Variants in GPN2 observed in about 807,000 individuals in gnomAD.
GPN2 encodes the protein ATP-binding domain 1 family member B.
In GPN2, 27 loss-of-function variants were observed where a neutral mutation model predicts 30.1. That is an observed-to-expected ratio of 0.90 (90% CI 0.66 to 1.24). GPN2 has a LOEUF of 1.24. Ranked by LOEUF, GPN2 falls within the 50% of genes most tolerant of loss-of-function variation. GPN2 has a pLI of 0.00. For missense variants in GPN2, 406 were observed against 405.4 expected, an observed-to-expected ratio of 1.00 and a Z score of -0.01; for synonymous variants, 212 against 174.4, an observed-to-expected ratio of 1.22 and a Z score of -1.70.
rs918006301 is a variant in GPN2 at position 26,890,132 on chromosome 1, G to T, written c.-36C>A. On this transcript the variant is annotated 5_prime_UTR_variant, in exon 1 of 5. Transcript: ENST00000374135. ...CGGCCCGGAGCAGGTCAACTCACAGGGAAAACGGGGCAGGTAGCCGCGCCG... is the reference window on the plus strand; with the variant it reads ...CGGCCCGGAGCAGGTCAACTCACAGTGAAAACGGGGCAGGTAGCCGCGCCG... 7 of 1,466,886 alleles carry T rather than the reference G, an allele frequency of 4.8e-6. No individual in the cohort carries two copies. The highest frequency in any genetic ancestry group is 5.4e-6 in the Non-Finnish European group (6 of 1,113,914). 90.9% of individuals were successfully genotyped at this position (1,466,886 alleles called of 1,614,324 possible). A position where few individuals can be genotyped will look rare whatever the true frequency, so the allele number is the denominator to read the frequency against.
At position 26,876,143 on chromosome 1, in the gene GPN2, A is replaced by G. The variant is rs1462634431; in HGVS notation, c.*3534T>C. On this transcript the variant is annotated 3_prime_UTR_variant, in exon 5 of 5. Coordinates refer to ENST00000374135, the MANE Select transcript of GPN2 (RefSeq NM_018066.4). ...GAATACACAAAATATACATTTGAAT[A>G]TAGAATTTATTTTTCTCTTAAACAG... 2.0e-5 allele frequency: 3 copies of G among 152,156 alleles called. No individual in the cohort carries two copies. Among genetic ancestry groups the G allele is most frequent in the South Asian group, 4.1e-4 (2 of 4,832 alleles). The allele number at this position is 152,156 out of a possible 1,614,324, so 9.4% of individuals were successfully genotyped here. A position where few individuals can be genotyped will look rare whatever the true frequency, so the allele number is the denominator to read the frequency against.
At chr1:26,882,256 T>C (rs1557655108) in intron 4 of GPN2, among the ~76,000 whole-genome samples, 1 of 148,738 alleles carries the variant, frequency 6.7e-6, no homozygotes, top group Non-Finnish European at 1.5e-5. Context: ...TGGTGGAGCA[T>C]GCCTGTAATC....
Position 26,876,481 on chromosome 1 carries a change from G to C in GPN2, c.*3196C>G, listed in dbSNP as rs2081838409. ...GATCAGCCCGCCTTGGCCTCCCAAA[G>C]TGCTGGGATTACAGGCGTGAGCCAC... On this transcript the variant is annotated 3_prime_UTR_variant, in exon 5 of 5. Coordinates refer to ENST00000374135, the MANE Select transcript of GPN2 (RefSeq NM_018066.4). 1 of 152,222 alleles carries C rather than the reference G, an allele frequency of 6.6e-6. No homozygotes were observed. The highest frequency in any genetic ancestry group is 1.5e-5 in the Non-Finnish European group (1 of 68,046). 9.4% of individuals were successfully genotyped at this position (152,222 alleles called of 1,614,324 possible).
rs2081841725 is a variant in GPN2 at position 26,877,260 on chromosome 1, T to TGGGA, written c.*2413_*2416dup. 1 of 152,214 alleles carries TGGGA rather than the reference T, an allele frequency of 6.6e-6. No homozygotes were observed. The highest frequency in any genetic ancestry group is 1.5e-5 in the Non-Finnish European group (1 of 68,066). 9.4% of individuals were successfully genotyped at this position (152,214 alleles called of 1,614,324 possible). ...TTATTATCCCCTTTACAGCCAGGCGTGGGAGCTGAGGTTGCTTTCATACTG... is the reference window on the plus strand; with the variant it reads ...TTATTATCCCCTTTACAGCCAGGCGTGGGAGGGAGCTGAGGTTGCTTTCATACTG... On this transcript the variant is annotated 3_prime_UTR_variant, in exon 5 of 5. Coordinates refer to ENST00000374135, the MANE Select transcript of GPN2 (RefSeq NM_018066.4).
At chr1:26,879,874 G>A in intron 4 of GPN2, 125 bp from the exon 5 acceptor site, 1 of 694,884 alleles carries the variant, frequency 1.4e-6, no homozygotes, top group Non-Finnish European at 2.6e-6. Flanking sequence ...CATAATTATA[G>A]GGACCAATCA....
rs2081842151 is a variant in GPN2 at position 26,877,350 on chromosome 1, C to G, written c.*2327G>C. 6.6e-6 allele frequency: 1 copy of G among 152,246 alleles called. No homozygotes were observed. Among genetic ancestry groups the G allele is most frequent in the African/African-American group, 2.4e-5 (1 of 41,456 alleles). The allele number at this position is 152,246 out of a possible 1,614,324, so 9.4% of individuals were successfully genotyped here. ...TGCCTTTGGCTCTGGCTGCCACAACCAGAAAGCAAAGCAGTCAGTCCTATT... is the reference window on the plus strand; with the variant it reads ...TGCCTTTGGCTCTGGCTGCCACAACGAGAAAGCAAAGCAGTCAGTCCTATT... On this transcript the variant is annotated 3_prime_UTR_variant, in exon 5 of 5. Transcript: ENST00000374135.
chr1:26,889,805 T>G lies in GPN2; in HGVS notation c.292A>C (p.Lys98Gln). The change falls in exon 1 of 5, where the codon AAG becomes CAG. Residue 98 changes from lysine (K) to glutamine (Q), a missense_variant. Transcript: ENST00000374135. ...TAGTGGCCGCGGAGGGGGTCGAGCT[T>G]GGCACGCAGCCAGTCCAGGTTGGCT... ...LEANLDWLRA[K>Q]LDPLRGHYFL... The G allele has an allele frequency of 6.2e-7, 1 of 1,613,830 alleles. No homozygotes were observed. Among genetic ancestry groups the G allele is most frequent in the Non-Finnish European group, 8.5e-7 (1 of 1,180,018 alleles).
chr1:26,884,640 G>A (rs904703625), intron 3 of GPN2, among the ~76,000 whole-genome samples: 1 of 152,166 alleles, frequency 6.6e-6, no homozygotes, highest in Admixed American at 6.5e-5. Flanking sequence ...CCAGTGCCTG[G>A]CACAGTACTT....
At chr1:26,886,567 G>T in intron 2 of GPN2, 1 of 421,954 alleles carries the variant, frequency 2.4e-6, no homozygotes, top group Non-Finnish European at 4.8e-6. Flanking sequence ...GCTCAAGCCT[G>T]TAATCCCAGC....
chr1:26,886,160 G>A (rs1432531923), intron 2 of GPN2, 27 bp from the exon 3 acceptor site: 1 of 1,591,360 alleles, frequency 6.3e-7, no homozygotes, highest in Non-Finnish European at 8.6e-7. Context: ...GTGTTCAGGA[G>A]CAACCAGTAT....
Position 26,890,202 on chromosome 1 carries a change from G to A in GPN2, c.-106C>T, listed in dbSNP as rs1221487344. 9 of 1,020,016 alleles carry A rather than the reference G, an allele frequency of 8.8e-6. No individual in the cohort carries two copies. In the East Asian group the frequency reaches 2.4e-4, roughly 28 times the overall value. 63.2% of individuals were successfully genotyped at this position (1,020,016 alleles called of 1,614,324 possible). A position where few individuals can be genotyped will look rare whatever the true frequency, so the allele number is the denominator to read the frequency against. ...GGGTCCCAGTACGTATACCTCGTTG[G>A]CGGCCAGCGTCACTCGCCTCAGGCG... On this transcript the variant is annotated 5_prime_UTR_variant, in exon 1 of 5. Coordinates refer to ENST00000374135, the MANE Select transcript of GPN2 (RefSeq NM_018066.4).
Position 26,889,113 on chromosome 1 carries a change from G to A in GPN2, c.424C>T (p.His142Tyr). The A allele has an allele frequency of 6.2e-7, 1 of 1,613,568 alleles. No individual in the cohort carries two copies. Among genetic ancestry groups the A allele is most frequent in the Non-Finnish European group, 8.5e-7 (1 of 1,179,580 alleles). Reference sequence around the variant, plus strand: ...GTGCAGTAGTGAGAATCCACGAGGTGGACGGCAGTCAGCTGGGAGGGAATA... The same window carrying A: ...GTGCAGTAGTGAGAATCCACGAGGTAGACGGCAGTCAGCTGGGAGGGAATA... Reference protein sequence around the residue: ...AQWDLRLTAVHLVDSHYCTDP... With the variant: ...AQWDLRLTAVYLVDSHYCTDP... Residue 142 changes from histidine (H) to tyrosine (Y), a missense_variant, in exon 2 of 5, where the codon CAC (histidine) becomes TAC (tyrosine). His to Tyr is a moderately conservative substitution (Grantham distance 83). Transcript: ENST00000374135.
At position 26,890,246 on chromosome 1, in the gene GPN2, C is replaced by T; in HGVS notation, c.-150G>A. The T allele has an allele frequency of 1.5e-6, 1 of 675,976 alleles. No homozygotes were observed. Among genetic ancestry groups the T allele is most frequent in the Non-Finnish European group, 2.4e-6 (1 of 420,618 alleles). The allele number at this position is 675,976 out of a possible 1,614,324, so 41.9% of individuals were successfully genotyped here. ...TCAGGCGGAACAGCTGAGACCGTGT[C>T]GCGCAAAAGGAGATAACAGGCCGAT... On this transcript the variant is annotated 5_prime_UTR_variant, in exon 1 of 5. Transcript: ENST00000374135.
chr1:26,882,915 C>T (rs1344197272), intron 4 of GPN2, among the ~76,000 whole-genome samples: 1 of 152,212 alleles, frequency 6.6e-6, no homozygotes, highest in Non-Finnish European at 1.5e-5. Flanking sequence ...AACCACCCAC[C>T]GTCTAAGCCA....
chr1:26,880,799 T>C (rs543853395), intron 4 of GPN2, among the ~76,000 whole-genome samples: 5 of 152,328 alleles, frequency 3.3e-5, no homozygotes, highest in African/African-American at 1.2e-4. Flanking sequence ...TTGAAACCTG[T>C]CTCAACTTTG....
At chr1:26,881,941 C>A (rs980734368) in intron 4 of GPN2, among the ~76,000 whole-genome samples, 4 of 152,062 alleles carry the variant, frequency 2.6e-5, no homozygotes, top group Admixed American at 1.3e-4. Flanking sequence ...GCAGGCCGGG[C>A]ATGGTGGCTC....
At chr1:26,885,342 A>G (rs548357157) in intron 3 of GPN2, among the ~76,000 whole-genome samples, 1 of 152,302 alleles carries the variant, frequency 6.6e-6, no homozygotes, top group East Asian at 1.9e-4. Flanking sequence ...ACAGTTGCCC[A>G]GTTGAAAGGG....
In GPN2 at chr1:26,878,457, T is replaced by A. The variant is rs1488262672; in HGVS notation, c.*1220A>T. ...ACACCATGCCCAGCTAATTTTTATG[T>A]TTTTAGTAGAGAGGGGTTTCACCAT... On this transcript the variant is annotated 3_prime_UTR_variant, in exon 5 of 5. Coordinates refer to ENST00000374135, the MANE Select transcript of GPN2 (RefSeq NM_018066.4). 6.6e-6 allele frequency: 1 copy of A among 150,708 alleles called. No homozygotes were observed. The highest frequency in any genetic ancestry group is 2.0e-4 in the East Asian group (1 of 5,064). The allele number at this position is 150,708 out of a possible 1,614,324, so 9.3% of individuals were successfully genotyped here.
At position 26,879,577 on chromosome 1, in the gene GPN2, G is replaced by A. The variant is rs2081854583; in HGVS notation, c.*100C>T. The A allele has an allele frequency of 1.1e-6, 1 of 900,774 alleles. No individual in the cohort carries two copies. The highest frequency in any genetic ancestry group is 1.8e-6 in the Non-Finnish European group (1 of 554,372). The allele number at this position is 900,774 out of a possible 1,614,324, so 55.8% of individuals were successfully genotyped here. On this transcript the variant is annotated 3_prime_UTR_variant, in exon 5 of 5. Transcript: ENST00000374135. ...ATCCCCTTGCCAGCCCGCCAGCTCT[G>A]GCTGGGAGGACTTGCTCTTGGGTCT...
Sources: allele counts gnomAD v4.1 joint callset (sites outside exome capture counted in the v4.1 genomes callset), GRCh38; gene constraint gnomAD v4.1.1; transcripts MANE v1.5; gene names NCBI Gene and HGNC (gene_info 2026-07-23, HGNC 2026-07-21).